Variants in SRGAP2C observed in about 807,000 individuals in gnomAD.
The protein encoded by SRGAP2C is SLIT-ROBO Rho GTPase activating protein 2C.
In SRGAP2C, 15 loss-of-function variants were observed where a neutral mutation model predicts 25.1. That is an observed-to-expected ratio of 0.60 (90% confidence interval 0.40 to 0.92). The LOEUF (loss-of-function observed/expected upper bound fraction) is 0.92, where lower values mean the gene tolerates loss of function less well. Ranked by LOEUF, SRGAP2C falls within the 40% of genes least tolerant of loss-of-function variation. The pLI is 0.00. For synonymous variants in SRGAP2C, 44 were observed against 96.6 expected, an observed-to-expected ratio of 0.46 and a Z score of 3.19; for missense variants, 144 against 264.4, an observed-to-expected ratio of 0.54 and a Z score of 3.16.
rs1166653311 is a variant in SRGAP2C at position 121,331,144 on chromosome 1, C to CAAAA, written c.423+6530_423+6533dup. Among the ~76,000 whole-genome samples, 30 of 25,048 alleles carry CAAAA rather than the reference C, an allele frequency of 1.2e-3. 4 individuals are homozygous for CAAAA. Among genetic ancestry groups the CAAAA allele is most frequent in the African/African-American group, 2.1e-3 (10 of 4,656 alleles). The allele number at this position is 25,048 out of a possible 152,430, so 16.4% of individuals were successfully genotyped here. A position where few individuals can be genotyped will look rare whatever the true frequency, so the allele number is the denominator to read the frequency against. On this transcript the variant is annotated intron_variant, in intron 4 of 9. Coordinates refer to ENST00000367123, the MANE Select transcript of SRGAP2C (RefSeq NM_001329984.2). The stretch of plus-strand genomic sequence containing the variant: ...GTGATAGGCTGAGTAATGCCTCCCT[C>CAAAA]AAAAAAAAAAAAAAAAAAAAAAAAA...
chr1:121,275,697 TG>T (rs1657092478), intron 2 of SRGAP2C, among the ~76,000 whole-genome samples: 1 of 151,216 alleles, frequency 6.6e-6, no homozygotes, highest in Non-Finnish European at 1.5e-5. Context: ...TGCATTCACT[TG>T]GGGCTGGAAA....
rs144783352 is a variant in SRGAP2C at position 121,207,677 on chromosome 1, A to G, written c.67+20164A>G. Reference sequence around the variant, plus strand: ...ATATGTTGAAAGAGGGGATCAGGCTAAAACCATTTATAGGAAATTATATTT... The same window carrying G: ...ATATGTTGAAAGAGGGGATCAGGCTGAAACCATTTATAGGAAATTATATTT... On this transcript the variant is annotated intron_variant, in intron 2 of 9. Transcript: ENST00000367123. Among the ~76,000 whole-genome samples the G allele has an allele frequency of 1.7e-3, 254 of 152,354 alleles. 2 individuals are homozygous for G. The highest frequency in any genetic ancestry group is 5.8e-3 in the African/African-American group (241 of 41,578).
At chr1:121,228,822 C>T (rs1242832525) in intron 2 of SRGAP2C, among the ~76,000 whole-genome samples, 4 of 150,932 alleles carry the variant, frequency 2.7e-5, no homozygotes, top group Admixed American at 6.6e-5. Context: ...AAGATGCTGG[C>T]CCCAAACCCT....
intron 3 of SRGAP2C, among the ~76,000 whole-genome samples, chr1:121,305,201 CCAGCAT>C (rs1293401377): frequency 2.0e-5 from 3 of 152,052 alleles, no homozygotes; most frequent in South Asian, 2.1e-4. Context: ...AACCAAGAAT[CCAGCAT>C]CAGCATCAGC....
chr1:121,335,635 T>G (rs1193629692), intron 4 of SRGAP2C, among the ~76,000 whole-genome samples: 1 of 150,716 alleles, frequency 6.6e-6, no homozygotes, highest in Non-Finnish European at 1.5e-5. Flanking sequence ...CTAATTTTTT[T>G]AGAGATGGGG....
At chr1:121,228,701 G>T (rs1490556654) in intron 2 of SRGAP2C, among the ~76,000 whole-genome samples, 2 of 152,124 alleles carry the variant, frequency 1.3e-5, no homozygotes, top group East Asian at 1.9e-4. Flanking sequence ...GTCATTTCTT[G>T]TGAAGATACT....
intron 2 of SRGAP2C, among the ~76,000 whole-genome samples, chr1:121,222,626 C>G (rs1305440678): frequency 6.6e-6 from 1 of 151,968 alleles, no homozygotes; most frequent in African/African-American, 2.4e-5. Flanking sequence ...GACCCTGTCT[C>G]AAAAACAAGC....
At chr1:121,375,099 G>A in intron 7 of SRGAP2C, 145 bp downstream of exon 7, 1 of 601,432 alleles carries the variant, frequency 1.7e-6, no homozygotes, top group Non-Finnish European at 3.0e-6. Context: ...CAGAGTGCTT[G>A]CCAAGCACCA....
intron 2 of SRGAP2C, among the ~76,000 whole-genome samples, chr1:121,196,228 A>G (rs1352104729): frequency 1.9e-5 from 1 of 51,526 alleles, no homozygotes; most frequent in Non-Finnish European, 3.5e-5. Flanking sequence ...GGTTGCTGTG[A>G]GCCGAGATCG....
chr1:121,269,989 AT>A (rs1293237692), intron 2 of SRGAP2C, among the ~76,000 whole-genome samples: 1 of 150,670 alleles, frequency 6.6e-6, no homozygotes, highest in Non-Finnish European at 1.5e-5. Context: ...ATTTTCTAAC[AT>A]TTACATTCCA....
At chr1:121,277,458 G>T (rs1427173321) in intron 2 of SRGAP2C, among the ~76,000 whole-genome samples, 1 of 150,652 alleles carries the variant, frequency 6.6e-6, no homozygotes, top group Non-Finnish European at 1.5e-5. Flanking sequence ...TGTTGACCAG[G>T]CTGGTCTCAG....
chr1:121,191,895 CTTT>C (rs1215148646), intron 2 of SRGAP2C, among the ~76,000 whole-genome samples: 2 of 102,888 alleles, frequency 1.9e-5, no homozygotes, highest in African/African-American at 3.6e-5. Flanking sequence ...GGGGTCTTGT[CTTT>C]TTTTTTTTTT....
chr1:121,211,168 A>AC (rs1165200171), intron 2 of SRGAP2C, among the ~76,000 whole-genome samples: 1 of 149,540 alleles, frequency 6.7e-6, no homozygotes, highest in Non-Finnish European at 1.5e-5. Flanking sequence ...TTTATGCAAC[A>AC]CTTTTTTTTT....
chr1:121,367,000 C>A (rs1659343038), intron 5 of SRGAP2C, among the ~76,000 whole-genome samples: 1 of 138,802 alleles, frequency 7.2e-6, no homozygotes, highest in South Asian at 2.3e-4. Context: ...AACCTTGGAA[C>A]TTATTTCTCT....
At chr1:121,266,564 G>A (rs587700173) in intron 2 of SRGAP2C, among the ~76,000 whole-genome samples, 2 of 147,180 alleles carry the variant, frequency 1.4e-5, no homozygotes, top group South Asian at 2.2e-4. Context: ...TGCCATGATT[G>A]CGGTTAGCAG....
intron 2 of SRGAP2C, among the ~76,000 whole-genome samples, chr1:121,191,392 G>T (rs1372278060): frequency 6.7e-6 from 1 of 149,598 alleles, no homozygotes; most frequent in African/African-American, 2.5e-5. Flanking sequence ...TTTAAAATTT[G>T]TATTATTTTA....
chr1:121,314,353 T>A (rs1658044348), intron 3 of SRGAP2C, among the ~76,000 whole-genome samples: 5 of 151,686 alleles, frequency 3.3e-5, no homozygotes, highest in Non-Finnish European at 4.4e-5. Context: ...GTTTTCAACT[T>A]CTTTGCCTTT....
intron 2 of SRGAP2C, among the ~76,000 whole-genome samples, chr1:121,278,022 C>T (rs1470541285): frequency 6.7e-6 from 1 of 149,022 alleles, no homozygotes; most frequent in Non-Finnish European, 1.5e-5. Flanking sequence ...CTCACTGTGG[C>T]CTTGACCTCC....
At chr1:121,278,102 C>G (rs1199938483) in intron 2 of SRGAP2C, among the ~76,000 whole-genome samples, 7 of 151,466 alleles carry the variant, frequency 4.6e-5, no homozygotes, top group African/African-American at 1.7e-4. Context: ...CACCTCCCCC[C>G]GCCAGCTAAC....
Sources: allele counts gnomAD v4.1 joint callset (sites outside exome capture counted in the v4.1 genomes callset), GRCh38; gene constraint gnomAD v4.1.1; transcripts MANE v1.5; gene names NCBI Gene and HGNC (gene_info 2026-07-23, HGNC 2026-07-21).